Variants in NRXN2 observed in about 807,000 individuals in gnomAD.
NRXN2 encodes the protein neurexin 2.
In NRXN2, 29 loss-of-function variants were observed where a neutral mutation model predicts 128.8. The observed-to-expected ratio is 0.23, with a 90% CI of 0.17 to 0.31. The LOEUF is 0.31. Among genes scored for constraint, NRXN2 ranks in the 10% least tolerant of loss-of-function variants. NRXN2 has a pLI of 1.00. For synonymous variants in NRXN2, 1,098 were observed against 1,075.2 expected, an observed-to-expected ratio of 1.02 and a Z score of -0.41; for missense variants, 1,881 against 2,452.6, an observed-to-expected ratio of 0.77 and a Z score of 4.92.
chr11:64,652,260 C>T (rs2047572485), intron 12 of NRXN2, 106 bp from the exon 13 acceptor site: 1 of 1,384,034 alleles, frequency 7.2e-7, no homozygotes. Flanking sequence ...GCACATGCCA[C>T]ACATGAACAC....
At chr11:64,627,791 C>T (rs2043291780) in intron 19 of NRXN2, among the ~76,000 whole-genome samples, 1 of 152,194 alleles carries the variant, frequency 6.6e-6, no homozygotes, top group Admixed American at 6.5e-5. Context: ...AATCTGGCCA[C>T]TCCTCCCATT....
In NRXN2 at chr11:64,607,007, G is replaced by A. The variant is rs1038496937; in HGVS notation, c.*189C>T. On this transcript the variant is annotated 3_prime_UTR_variant, in exon 23 of 23. Coordinates refer to ENST00000265459, the MANE Select transcript of NRXN2 (RefSeq NM_015080.4). ...TCAGCCCCGGGACTGACGAGGCCGC[G>A]CAGTGGACGGCAGGAGGAAGGGGGC... The A allele has an allele frequency of 4.0e-5, 25 of 630,694 alleles. No individual in the cohort carries two copies. Among genetic ancestry groups the A allele is most frequent in the Admixed American group, 8.9e-5 (3 of 33,720 alleles). The allele number at this position is 630,694 out of a possible 1,614,324, so 39.1% of individuals were successfully genotyped here.
At chr11:64,683,007 C>A (rs11231853) in intron 6 of NRXN2, among the ~76,000 whole-genome samples, 1 of 152,090 alleles carries the variant, frequency 6.6e-6, no homozygotes, top group Non-Finnish European at 1.5e-5. Context: ...TTGGAGCTGG[C>A]CTTTGACCCA....
chr11:64,649,907 G>C (rs144256286), intron 15 of NRXN2, among the ~76,000 whole-genome samples: 10 of 152,198 alleles, frequency 6.6e-5, no homozygotes, highest in Admixed American at 2.0e-4. Context: ...GGCAATGACT[G>C]CTTCAATGAC....
At chr11:64,657,099 T>C (rs2048383786) in intron 11 of NRXN2, among the ~76,000 whole-genome samples, 1 of 152,180 alleles carries the variant, frequency 6.6e-6, no homozygotes, top group Non-Finnish European at 1.5e-5. Flanking sequence ...GATAAGATCA[T>C]GAGGCCAGAG....
chr11:64,610,275 T>C (rs1315659422), intron 22 of NRXN2, among the ~76,000 whole-genome samples: 3 of 152,038 alleles, frequency 2.0e-5, no homozygotes, highest in Non-Finnish European at 1.5e-5. Context: ...GTGAAAAACT[T>C]TGAGCTACGA....
intron 1 of NRXN2, among the ~76,000 whole-genome samples, chr11:64,722,413 C>G (rs1416926267): frequency 6.6e-6 from 1 of 152,008 alleles, no homozygotes; most frequent in Non-Finnish European, 1.5e-5. Context: ...TCTGCTCTCT[C>G]CCAATAACCT....
chr11:64,613,086 G>A (rs1348702499), intron 22 of NRXN2, among the ~76,000 whole-genome samples: 1 of 152,250 alleles, frequency 6.6e-6, no homozygotes, highest in Non-Finnish European at 1.5e-5. Context: ...CACCAGTACT[G>A]CAAGGGCAGA....
chr11:64,697,899 A>G (rs1465006527), intron 2 of NRXN2, 107 bp from the exon 3 acceptor site: 5 of 1,320,482 alleles, frequency 3.8e-6, no homozygotes, highest in Non-Finnish European at 5.4e-6. Flanking sequence ...GAGGAGTCCA[A>G]GCCCACCCAG....
At chr11:64,613,225 G>A (rs1423064931) in intron 22 of NRXN2, among the ~76,000 whole-genome samples, 2 of 152,256 alleles carry the variant, frequency 1.3e-5, no homozygotes, top group Non-Finnish European at 2.9e-5. Flanking sequence ...AACCTAGATG[G>A]ATCTGAGCAT....
intron 7 of NRXN2, among the ~76,000 whole-genome samples, chr11:64,668,839 C>A (rs925392431): frequency 6.6e-6 from 1 of 152,142 alleles, no homozygotes; most frequent in African/African-American, 2.4e-5. Flanking sequence ...TGGCCCCCAA[C>A]TCAGCAGGCA....
intron 5 of NRXN2, chr11:64,688,862 C>T (rs568245024): frequency 7.3e-6 from 7 of 957,746 alleles, no homozygotes. Flanking sequence ...GTCTCCAGCG[C>T]CCCCCTCCGC....
intron 2 of NRXN2, among the ~76,000 whole-genome samples, chr11:64,707,396 A>G (rs190762325): frequency 2.6e-4 from 40 of 152,214 alleles, no homozygotes; most frequent in Admixed American, 2.6e-3. Flanking sequence ...AAAAAAAAAA[A>G]AAAGAAAAAT....
At chr11:64,642,187 T>C (rs2045782127) in intron 17 of NRXN2, among the ~76,000 whole-genome samples, 1 of 150,060 alleles carries the variant, frequency 6.7e-6, no homozygotes, top group South Asian at 2.1e-4. Flanking sequence ...GCAAGAGAAA[T>C]GGAAGGCAGA....
At chr11:64,645,147 CCTCT>C (rs2046443190) in intron 17 of NRXN2, among the ~76,000 whole-genome samples, 1 of 152,170 alleles carries the variant, frequency 6.6e-6, no homozygotes, top group African/African-American at 2.4e-5. Context: ...GTCCTCCTGC[CCTCT>C]CTATCACGTT....
chr11:64,676,978 T>G lies in NRXN2; in HGVS notation c.1197+15A>C, dbSNP rs576863864. The G allele has an allele frequency of 4.3e-6, 7 of 1,609,640 alleles. No homozygotes were observed. The South Asian group carries it at 4.4e-5, about 10-fold the overall frequency. On this transcript the variant is annotated intron_variant, in intron 7 of 22. Transcript: ENST00000265459. ...ACGGCAAACCAAACGGTAAGACAAT[T>G]AGAGTGATATCTACCAGATAATGCA...
At position 64,667,468 on chromosome 11, in the gene NRXN2, T is replaced by C. The variant is rs181686738; in HGVS notation, c.1580A>G (p.Asn527Ser). The C allele has an allele frequency of 1.8e-4, 295 of 1,614,054 alleles. 4 individuals carry two copies. In the South Asian group the frequency reaches 2.9e-3, roughly 16 times the overall value. ...ISLDFRTTEPNGLLLFSQGRR... is the reference protein window; with the variant it reads ...ISLDFRTTEPSGLLLFSQGRR... ...GCCCTGGCTGAAGAGCAGCAGCCCA[T>C]TGGGCTCGGTGGTGCGGAAGTCTAG... The change falls in exon 9 of 23, where the codon AAT (asparagine) becomes AGT (serine). Residue 527 changes from asparagine (N) to serine (S), a missense_variant. Physicochemically the swap from Asn to Ser is conservative, Grantham distance 46 (BLOSUM62 1). This residue lies in a region of NRXN2 where 997 missense variants were observed against 1,240.8 expected (regional missense o/e 0.80). Coordinates refer to ENST00000265459, the MANE Select transcript of NRXN2 (RefSeq NM_015080.4). The surrounding 1 kb of genome is among the most constrained non-coding windows in gnomAD (Gnocchi z 5.6).
At chr11:64,692,374 A>T (rs547552501) in intron 4 of NRXN2, among the ~76,000 whole-genome samples, 46 of 152,154 alleles carry the variant, frequency 3.0e-4, no homozygotes, top group Non-Finnish European at 5.4e-4. Flanking sequence ...GGTGAGGGTG[A>T]TGAGACTGCC....
chr11:64,697,619 G>T (rs753446420), intron 3 of NRXN2, among the ~76,000 whole-genome samples, 156 bp downstream of exon 3: 2 of 152,118 alleles, frequency 1.3e-5, no homozygotes, highest in Non-Finnish European at 2.9e-5. Context: ...CAAGAGAGTG[G>T]GGCAAGGCAG....
Sources: gnomAD v4.1 joint callset for allele counts (sites outside exome capture counted in the v4.1 genomes callset) on GRCh38, gnomAD v4.1.1 for gene constraint, gnomAD v4.1.1 regional missense constraint, Gnocchi (gnomAD v3.1) non-coding constraint, MANE v1.5 for transcripts, NCBI Gene and HGNC (gene_info 2026-07-23, HGNC 2026-07-21) for gene names.